The following DMD variants were observed in gnomAD, a reference collection of about 807,000 sequenced individuals.
DMD encodes the protein mutant dystrophin.
Under a neutral mutation model 330.1 loss-of-function variants are expected in DMD, and 63 were observed. The observed-to-expected ratio is 0.19, with a 90% CI of 0.16 to 0.24. The LOEUF (loss-of-function observed/expected upper bound fraction) is 0.24. Among genes scored for constraint, DMD ranks in the 10% least tolerant of loss-of-function variants. The pLI is 1.00. For missense variants in DMD, 3,344 were observed against 2,684.1 expected (o/e 1.25, Z -5.43); for synonymous variants, 1,223 against 959.8 (o/e 1.27, Z -5.07).
intron 1 of DMD, chrX:33,041,277 G>C (rs1349925495): frequency 1.5e-6 from 1 of 683,421 alleles, no homozygotes; most frequent in Non-Finnish European, 2.2e-6. Context: ...TCCTTAAGTG[G>C]CCGCGCAGCC....
intron 51 of DMD, among the ~76,000 whole-genome samples, chrX:31,750,278 G>A (rs1472299390): frequency 4.7e-5 from 5 of 106,794 alleles, no homozygotes; most frequent in Non-Finnish European, 9.7e-5. Flanking sequence ...ATGGTTTTAG[G>A]TCTAACGTTT....
intron 60 of DMD, among the ~76,000 whole-genome samples, chrX:31,417,028 G>A: frequency 8.9e-6 from 1 of 112,224 alleles, no homozygotes; most frequent in Non-Finnish European, 1.9e-5. Context: ...CTTATTCAAA[G>A]ACAAACTTGA....
intron 7 of DMD, among the ~76,000 whole-genome samples, chrX:32,787,838 C>A (rs1431464770): frequency 9.1e-6 from 1 of 109,881 alleles, no homozygotes; most frequent in East Asian, 2.9e-4. Flanking sequence ...TAGAGGCAGG[C>A]AAAATAACTG....
intron 52 of DMD, among the ~76,000 whole-genome samples, chrX:31,725,847 AG>A (rs2085998773): frequency 8.9e-6 from 1 of 112,672 alleles, no homozygotes; most frequent in Non-Finnish European, 1.9e-5. Flanking sequence ...GATAAAAGGA[AG>A]CAGTTTTATC....
intron 59 of DMD, among the ~76,000 whole-genome samples, chrX:31,476,374 TCTAA>T (rs1423776801): frequency 6.3e-5 from 6 of 95,470 alleles, no homozygotes; most frequent in African/African-American, 8.2e-5. Context: ...TATGTATATA[TCTAA>T]CTATGTATGT....
At chrX:31,436,931 T>A (rs1221421603) in intron 60 of DMD, among the ~76,000 whole-genome samples, 3 of 112,046 alleles carry the variant, frequency 2.7e-5, no homozygotes, top group African/African-American at 6.5e-5. Context: ...TTCTTTTTTT[T>A]ATTTCCTTTA....
chrX:33,045,935 G>A (rs1280685086), intron 1 of DMD, among the ~76,000 whole-genome samples: 1 of 111,277 alleles, frequency 9.0e-6, no homozygotes, highest in Non-Finnish European at 1.9e-5. Context: ...TGGTAATCAG[G>A]ACACAGACAC....
chrX:33,314,099 T>C (rs2053890737), intron 1 of DMD, among the ~76,000 whole-genome samples: 1 of 108,508 alleles, frequency 9.2e-6, no homozygotes, highest in Non-Finnish European at 1.9e-5. Flanking sequence ...AAAGTTTGCT[T>C]TGACATTACA....
At chrX:32,345,454 AAG>A (rs1345558838) in intron 39 of DMD, among the ~76,000 whole-genome samples, 2 of 111,289 alleles carry the variant, frequency 1.8e-5, no homozygotes, top group South Asian at 7.5e-4. Context: ...GATAGTTGCA[AAG>A]AGTGACTTTC....
intron 51 of DMD, among the ~76,000 whole-genome samples, chrX:31,730,397 G>A (rs2086416816): frequency 1.8e-5 from 2 of 111,976 alleles, no homozygotes; most frequent in South Asian, 7.3e-4. Context: ...ATTTAGGCAA[G>A]TTTGGAGAGC....
chrX:32,553,300 AAACT>A (rs1390566025), intron 16 of DMD, among the ~76,000 whole-genome samples: 3 of 111,678 alleles, frequency 2.7e-5, no homozygotes, highest in African/African-American at 9.8e-5. Flanking sequence ...TATCCTAAGC[AAACT>A]AACACAATAA....
chrX:32,724,780 A>C (rs2066689241), intron 7 of DMD, among the ~76,000 whole-genome samples: 1 of 112,160 alleles, frequency 8.9e-6, no homozygotes, highest in African/African-American at 3.2e-5. Context: ...GTTATAAATT[A>C]CATCAGTAAT....
At chrX:32,477,786 C>T (rs780529923) in intron 21 of DMD, among the ~76,000 whole-genome samples, 2 of 110,615 alleles carry the variant, frequency 1.8e-5, no homozygotes, top group African/African-American at 6.6e-5. Flanking sequence ...GGCACTTAAG[C>T]ATCAGAGAAT....
chrX:32,210,990 T>C (rs2097091689), intron 44 of DMD, among the ~76,000 whole-genome samples: 1 of 112,042 alleles, frequency 8.9e-6, no homozygotes, highest in Non-Finnish European at 1.9e-5. Flanking sequence ...AAAAGTGCTT[T>C]AGAATTTTCT....
At chrX:31,371,680 T>C (rs1012126607) in intron 60 of DMD, among the ~76,000 whole-genome samples, 10 of 111,596 alleles carry the variant, frequency 9.0e-5, no homozygotes, top group Admixed American at 7.6e-4. Flanking sequence ...GGAAAAACTG[T>C]CCAGACACAG....
Position 33,145,642 on chromosome X carries a change from A to T in DMD, c.31+65640T>A, listed in dbSNP as rs868256318. Among the ~76,000 whole-genome samples, 5 of 103,590 alleles carry T rather than the reference A, an allele frequency of 4.8e-5. No homozygotes were observed. In the South Asian group the frequency reaches 2.1e-3, roughly 43 times the overall value. The allele number at this position is 103,590 out of a possible 115,157, so 90.0% of individuals were successfully genotyped here. A position where few individuals can be genotyped will look rare whatever the true frequency, so the allele number is the denominator to read the frequency against. Reference sequence around the variant, plus strand: ...CATATAATGTATTTATATAATACTAAATATATATATATATACAGTAATGTC... The same window carrying T: ...CATATAATGTATTTATATAATACTATATATATATATATATACAGTAATGTC... On this transcript the variant is annotated intron_variant, in intron 1 of 78. Coordinates refer to ENST00000357033, the MANE Select transcript of DMD (RefSeq NM_004006.3).
chrX:32,659,978 A>G (rs1024932262), intron 9 of DMD, among the ~76,000 whole-genome samples: 2 of 110,701 alleles, frequency 1.8e-5, no homozygotes, highest in Admixed American at 1.9e-4. Flanking sequence ...CCTCTGCCTC[A>G]AGGAAAGTAA....
chrX:32,264,332 C>T (rs1262902949), intron 43 of DMD, among the ~76,000 whole-genome samples: 1 of 111,898 alleles, frequency 8.9e-6, no homozygotes, highest in African/African-American at 3.3e-5. Flanking sequence ...AATTAAACCT[C>T]GTTCCTTTAT....
At chrX:32,123,896 T>C (rs900139266) in intron 44 of DMD, among the ~76,000 whole-genome samples, 3 of 112,484 alleles carry the variant, frequency 2.7e-5, no homozygotes, top group Non-Finnish European at 5.6e-5. Context: ...ATTTCAATGT[T>C]TGAATTTTTT....
Sources: allele counts gnomAD v4.1 joint callset (sites outside exome capture counted in the v4.1 genomes callset), GRCh38; gene constraint gnomAD v4.1.1; transcripts MANE v1.5; gene names NCBI Gene and HGNC (gene_info 2026-07-23, HGNC 2026-07-21).